The following RAB33A variants were observed in gnomAD, a reference collection of about 807,000 sequenced individuals.
RAB33A encodes the protein RAB33A, member RAS oncogene family.
Under a neutral mutation model 12.0 loss-of-function variants are expected in RAB33A, and 6 were observed. The ratio of observed to expected loss-of-function variants is 0.50; its 90% confidence interval spans 0.27 to 0.99. The LOEUF (loss-of-function observed/expected upper bound fraction) is 0.99, where lower values mean the gene tolerates loss of function less well. Ranked by LOEUF, RAB33A falls within the 50% of genes least tolerant of loss-of-function variation. RAB33A has a pLI of 0.11. For missense variants in RAB33A, 109 were observed against 192.0 expected (o/e 0.57, Z 2.55); for synonymous variants, 70 against 82.4 (o/e 0.85, Z 0.81).
At position 130,184,831 on chromosome X, in the gene RAB33A, T is replaced by C; in HGVS notation, c.*91T>C. The C allele has an allele frequency of 1.2e-6, 1 of 814,443 alleles. No individual in the cohort carries two copies. The highest frequency in any genetic ancestry group is 1.7e-6 in the Non-Finnish European group (1 of 581,098). The allele number at this position is 814,443 out of a possible 1,213,427, so 67.1% of individuals were successfully genotyped here. On this transcript the variant is annotated 3_prime_UTR_variant, in exon 2 of 2. Coordinates refer to ENST00000257017, the MANE Select transcript of RAB33A (RefSeq NM_004794.3). ...TGCATAATGCTGACACCTGCTTGTT[T>C]CCATACAAATTGATATCAAAATAAA...
At chrX:130,177,354 T>A (rs1427352708) in intron 1 of RAB33A, among the ~76,000 whole-genome samples, 1 of 112,558 alleles carries the variant, frequency 8.9e-6, no homozygotes, top group African/African-American at 3.2e-5. Flanking sequence ...AAGTCCTTTC[T>A]CATGTGTTAT....
the RAB33A span, chrX:130,133,320 T>C: frequency 8.3e-7 from 1 of 1,211,289 alleles, no homozygotes; most frequent in Non-Finnish European, 1.1e-6. Flanking sequence ...TACCAGAACA[T>C]TGACTGATGC....
the RAB33A span, among the ~76,000 whole-genome samples, chrX:130,122,177 A>G: frequency 8.9e-6 from 1 of 112,089 alleles, no homozygotes; most frequent in Non-Finnish European, 1.9e-5. Flanking sequence ...AAGGGATGAG[A>G]GGATTGGATT....
chrX:130,134,427 T>C, the RAB33A span, among the ~76,000 whole-genome samples: 45 of 110,881 alleles, frequency 4.1e-4, no homozygotes, highest in African/African-American at 1.4e-3. Flanking sequence ...CACCTAGAAA[T>C]GTTTTCTTAG....
chrX:130,176,535 G>A (rs1452202183), intron 1 of RAB33A, among the ~76,000 whole-genome samples: 1 of 111,736 alleles, frequency 8.9e-6, no homozygotes, highest in East Asian at 2.8e-4. Flanking sequence ...ACCTTCCTGT[G>A]TTACATTATC....
chrX:130,133,522 T>C, the RAB33A span: 52 of 1,164,116 alleles, frequency 4.5e-5, no homozygotes, highest in African/African-American at 7.8e-4. Flanking sequence ...AGACAAAATA[T>C]AAACTTTGGG....
chrX:130,129,667 C>T, the RAB33A span: 1 of 1,143,258 alleles, frequency 8.7e-7, no homozygotes, highest in Non-Finnish European at 1.2e-6. Context: ...CTAACTTACT[C>T]CATTGCGTTC....
chrX:130,164,476 A>G, the RAB33A span, among the ~76,000 whole-genome samples: 3 of 112,570 alleles, frequency 2.7e-5, no homozygotes, highest in Non-Finnish European at 5.6e-5. Context: ...GTGTTTCTGT[A>G]TTGTAAAAGC....
the RAB33A span, chrX:130,149,585 G>A: frequency 9.0e-7 from 1 of 1,110,683 alleles, no homozygotes; most frequent in Non-Finnish European, 1.2e-6. Context: ...ATCCAAACAT[G>A]GAGAAAGTTT....
At chrX:130,147,959 A>G in the RAB33A span, 1 of 1,132,530 alleles carries the variant, frequency 8.8e-7, no homozygotes, top group Non-Finnish European at 1.2e-6. Context: ...ATCACCTTGC[A>G]CTTGTCTCAA....
At chrX:130,145,155 T>C in the RAB33A span, among the ~76,000 whole-genome samples, 2 of 112,370 alleles carry the variant, frequency 1.8e-5, no homozygotes, top group East Asian at 2.8e-4. Flanking sequence ...CTATGAGTAA[T>C]ACATATTTGT....
At chrX:130,131,705 C>T in the RAB33A span, 104 of 1,210,581 alleles carry the variant, frequency 8.6e-5, 1 homozygote, top group African/African-American at 1.6e-3. Context: ...TTGGGGTTGT[C>T]TTGTGCAGTT....
At chrX:130,156,326 A>G in the RAB33A span, 1 of 816,308 alleles carries the variant, frequency 1.2e-6, no homozygotes, top group Non-Finnish European at 1.8e-6. Context: ...GCAGGCACTT[A>G]AGAGAAGGCT....
intron 1 of RAB33A, 122 bp downstream of exon 1, chrX:130,172,442 C>A (rs1335455341): frequency 2.2e-6 from 2 of 912,925 alleles, no homozygotes; most frequent in East Asian, 6.7e-5. Context: ...CTTGCTGAGC[C>A]GAGGACCCTC....
At chrX:130,138,602 C>T in the RAB33A span, 1 of 1,205,825 alleles carries the variant, frequency 8.3e-7, no homozygotes, top group African/African-American at 1.7e-5. Context: ...CCCTTTCTGC[C>T]AAGAGCACAG....
the RAB33A span, among the ~76,000 whole-genome samples, chrX:130,146,872 G>C: frequency 8.9e-6 from 1 of 112,272 alleles, no homozygotes; most frequent in Non-Finnish European, 1.9e-5. Flanking sequence ...CAAGTATAAA[G>C]AAGTGATGGC....
At chrX:130,159,611 G>C in the RAB33A span, among the ~76,000 whole-genome samples, 1 of 110,325 alleles carries the variant, frequency 9.1e-6, no homozygotes, top group Admixed American at 9.7e-5. Flanking sequence ...AATTTTTTTT[G>C]TTTTTGTTTT....
intron 1 of RAB33A, among the ~76,000 whole-genome samples, chrX:130,182,760 A>C (rs776843515): frequency 1.8e-5 from 2 of 111,621 alleles, no homozygotes; most frequent in South Asian, 3.8e-4. Context: ...GTCTCAAAAA[A>C]AAAATAAAAG....
chrX:130,183,976 G>A (rs975695822), intron 1 of RAB33A, among the ~76,000 whole-genome samples: 2 of 110,804 alleles, frequency 1.8e-5, no homozygotes, highest in Non-Finnish European at 3.8e-5. Context: ...TGCAACCTCC[G>A]ACTCCCTGGT....
Sources: gnomAD v4.1 joint callset for allele counts (sites outside exome capture counted in the v4.1 genomes callset) on GRCh38, gnomAD v4.1.1 for gene constraint, MANE v1.5 for transcripts, NCBI Gene and HGNC (gene_info 2026-07-23, HGNC 2026-07-21) for gene names.